The following DUSP6 variants were observed in gnomAD, a reference collection of about 807,000 sequenced individuals.
DUSP6 encodes the protein dual specificity phosphatase 6.
DUSP6 carries 6 observed loss-of-function variants against 28.0 expected under a neutral mutation model. The ratio of observed to expected loss-of-function variants is 0.21; its 90% CI spans 0.12 to 0.42. The LOEUF (loss-of-function observed/expected upper bound fraction) is 0.42, where lower values mean the gene tolerates loss of function less well. DUSP6 is among the 10% of genes least tolerant of loss of function. The pLI is 1.00. For synonymous variants in DUSP6, 252 were observed against 217.5 expected (o/e 1.16, Z -1.40); for missense variants, 451 against 498.1 (o/e 0.91, Z 0.90).
At position 89,347,362 on chromosome 12, in the gene DUSP6, CCCA is replaced by C. The variant is rs1305620093; in HGVS notation, c.*1889_*1891del. 6.6e-6 allele frequency: 1 copy of C among 151,982 alleles called. No individual in the cohort carries two copies. The highest frequency in any genetic ancestry group is 1.5e-5 in the Non-Finnish European group (1 of 68,006). 9.4% of individuals were successfully genotyped at this position (151,982 alleles called of 1,614,324 possible). A position where few individuals can be genotyped will look rare whatever the true frequency, so the allele number is the denominator to read the frequency against. Reference sequence around the variant, plus strand: ...AGCTTGAAAAGAAACTAAAATAATCCCCACAAGTTTCAATAAGGGTTTCTGACC... The same window carrying C: ...AGCTTGAAAAGAAACTAAAATAATCCCAAGTTTCAATAAGGGTTTCTGACC... On this transcript the variant is annotated 3_prime_UTR_variant, in exon 3 of 3. Transcript: ENST00000279488.
chr12:89,352,148 TCC>T lies in DUSP6; in HGVS notation c.-111_-110del. On this transcript the variant is annotated 5_prime_UTR_variant, in exon 1 of 3. Coordinates refer to ENST00000279488, the MANE Select transcript of DUSP6 (RefSeq NM_001946.4). ...TGCCGCTCTCGGAGCGGGGTTTAAT[TCC>T]GCCTCGCCTTACCCAAGCCGAGGCT... The T allele has an allele frequency of 6.7e-7, 1 of 1,492,690 alleles. No individual in the cohort carries two copies. The highest frequency in any genetic ancestry group is 9.0e-7 in the Non-Finnish European group (1 of 1,112,804). 92.5% of individuals were successfully genotyped at this position (1,492,690 alleles called of 1,614,324 possible).
Position 89,347,799 on chromosome 12 carries a change from C to T in DUSP6, c.*1455G>A, listed in dbSNP as rs1006500821. 1.6e-4 allele frequency: 25 copies of T among 152,168 alleles called. No individual in the cohort carries two copies. The highest frequency in any genetic ancestry group is 1.5e-3 in the Admixed American group (23 of 15,288). 9.4% of individuals were successfully genotyped at this position (152,168 alleles called of 1,614,324 possible). On this transcript the variant is annotated 3_prime_UTR_variant, in exon 3 of 3. Transcript: ENST00000279488. ...TATGCTCTATAGGTTCATTTTTCTT[C>T]AGGGGCTTTAAAATCTTAAGCCGGA... is the stretch of plus-strand genomic sequence containing the variant.
Position 89,351,012 on chromosome 12 carries a change from C to A in DUSP6, c.414G>T (p.Lys138Asn). ...RAFYLEGGFS[K>N]FQAEFSLHCE... ...AATGCAGGGAGAACTCGGCTTGGAA[C>A]TTACTGAAGCCACCTGCCAGAACGA... Residue 138 changes from lysine to asparagine, a missense_variant, in exon 2 of 3, where the codon AAG becomes AAT. By Grantham distance (94) the Lys-to-Asn change is moderately conservative (BLOSUM62 0). Around this residue, in one of 2 missense-constraint regions of DUSP6, gnomAD observed 347 missense variants for 346.6 expected, o/e 1.00. Transcript: ENST00000279488. The A allele has an allele frequency of 6.3e-7, 1 of 1,593,878 alleles. No homozygotes were observed. The highest frequency in any genetic ancestry group is 1.1e-5 in the South Asian group (1 of 89,676).
intron 1 of DUSP6, chr12:89,351,238 C>A (rs1879175092): frequency 3.0e-6 from 2 of 664,290 alleles, no homozygotes; most frequent in Non-Finnish European, 5.0e-6. Context: ...TCGCTTGAAT[C>A]CGGAAATAGA....
intron 1 of DUSP6, chr12:89,351,285 G>A: frequency 1.7e-6 from 1 of 595,066 alleles, no homozygotes; most frequent in Non-Finnish European, 2.9e-6. Context: ...TGAGAGCTAA[G>A]ATGTGCCAAT....
chr12:89,349,605 C>A (rs1277409416), intron 2 of DUSP6, 44 bp from the exon 3 acceptor site: 12 of 1,485,370 alleles, frequency 8.1e-6, no homozygotes, highest in Non-Finnish European at 1.1e-5. Context: ...AGACTGAAAA[C>A]CACCCTTTGT....
intron 2 of DUSP6, 76 bp downstream of exon 2, chr12:89,350,512 T>C: frequency 7.1e-7 from 1 of 1,417,436 alleles, no homozygotes; most frequent in Non-Finnish European, 9.7e-7. Context: ...GCAAGAACGA[T>C]TAACAGCTTA....
rs1351484691 is a variant in DUSP6 at position 89,351,664 on chromosome 12, C to T, written c.376G>A (p.Gly126Ser). 1 of 1,606,114 alleles carries T rather than the reference C, an allele frequency of 6.2e-7. No individual in the cohort carries two copies. Among genetic ancestry groups the T allele is most frequent in the Non-Finnish European group, 8.5e-7 (1 of 1,176,500 alleles). ...GLLLKKLKDE[G>S]CRAFYLEGGF... The stretch of plus-strand genomic sequence containing the variant: ...CCTTCCAGGTAGAACGCCCGGCAGC[C>T]CTCGTCCTTGAGCTTCTTGAGCAGC... Residue 126 changes from glycine (G) to serine (S), a missense_variant, in exon 1 of 3, where the codon GGC becomes AGC. This residue lies in a region of DUSP6 where 347 missense variants were observed against 346.6 expected (regional missense o/e 1.00). Transcript: ENST00000279488.
At chr12:89,351,502 CG>C in intron 1 of DUSP6, 137 bp downstream of exon 1, 2 of 1,378,460 alleles carry the variant, frequency 1.5e-6, no homozygotes, top group South Asian at 3.1e-5. Context: ...CCTACCTCGC[CG>C]GCTGCCGGTC....
chr12:89,352,328 C>T lies in DUSP6; in HGVS notation c.-289G>A. 1 of 461,744 alleles carries T rather than the reference C, an allele frequency of 2.2e-6. No individual in the cohort carries two copies. The highest frequency in any genetic ancestry group is 3.8e-5 in the East Asian group (1 of 26,508). 28.6% of individuals were successfully genotyped at this position (461,744 alleles called of 1,614,324 possible). On this transcript the variant is annotated 5_prime_UTR_variant, in exon 1 of 3. Coordinates refer to ENST00000279488, the MANE Select transcript of DUSP6 (RefSeq NM_001946.4). ...GTGAATGAAATCCAATTAATTCGGA[C>T]TCCGTGCTACTGAGAGGGGAGGAAA...
chr12:89,349,247 G>T lies in DUSP6; in HGVS notation c.*7C>A, dbSNP rs377455638. ...ACACATTCCAGCAAGGAGGGGTGTG[G>T]GGTCTTTCACGTAGATTGCAGAGAG... is the stretch of plus-strand genomic sequence containing the variant. On this transcript the variant is annotated 3_prime_UTR_variant, in exon 3 of 3. Coordinates refer to ENST00000279488, the MANE Select transcript of DUSP6 (RefSeq NM_001946.4). 6.2e-6 allele frequency: 10 copies of T among 1,602,416 alleles called. No individual in the cohort carries two copies. The South Asian group carries it at 1.1e-4, about 18-fold the overall frequency.
At position 89,347,327 on chromosome 12, in the gene DUSP6, TAA is replaced by T. The variant is rs1478922941; in HGVS notation, c.*1925_*1926del. On this transcript the variant is annotated 3_prime_UTR_variant, in exon 3 of 3. Transcript: ENST00000279488. ...AGGTCCCAAGAAAAATGGCAAGATA[TAA>T]AGTCTTTAGCTTGAAAAGAAACTAA... The T allele has an allele frequency of 6.6e-6, 1 of 152,176 alleles. No homozygotes were observed. The highest frequency in any genetic ancestry group is 1.5e-5 in the Non-Finnish European group (1 of 68,028). 9.4% of individuals were successfully genotyped at this position (152,176 alleles called of 1,614,324 possible).
At position 89,351,995 on chromosome 12, in the gene DUSP6, C is replaced by G. The variant is rs1262046333; in HGVS notation, c.45G>C (p.Ala15=). 3.1e-6 allele frequency: 5 copies of G among 1,613,026 alleles called. No individual in the cohort carries two copies. The highest frequency in any genetic ancestry group is 2.2e-5 in the South Asian group (2 of 91,074). ...LRPVPFASEM[A]ISKTVAWLNE... ...TGAGCCACGCCACCGTCTTGCTGATCGCCATTTCCGACGCGAAGGGCACGG... is the reference window on the plus strand; with the variant it reads ...TGAGCCACGCCACCGTCTTGCTGATGGCCATTTCCGACGCGAAGGGCACGG... Residue 15 remains alanine (A), a synonymous_variant, in exon 1 of 3, where the codon GCG becomes GCC. Transcript: ENST00000279488.
chr12:89,351,357 C>T, intron 1 of DUSP6: 1 of 588,768 alleles, frequency 1.7e-6, no homozygotes, highest in South Asian at 2.3e-5. Flanking sequence ...CGATAGAAAA[C>T]AGGGTGATGG....
intron 1 of DUSP6, 55 bp downstream of exon 1, chr12:89,351,585 C>T: frequency 6.6e-7 from 1 of 1,508,076 alleles, no homozygotes; most frequent in South Asian, 1.3e-5. Context: ...CGCGCCCCGC[C>T]CGCAGCCCTG....
chr12:89,349,650 A>C, intron 2 of DUSP6, 89 bp from the exon 3 acceptor site: 2 of 921,206 alleles, frequency 2.2e-6, no homozygotes, highest in Non-Finnish European at 3.3e-6. Context: ...TTGAAAACAT[A>C]ATAATAATAA....
At position 89,349,579 on chromosome 12, in the gene DUSP6, AAAGC is replaced by A. The variant is rs1422023840; in HGVS notation, c.839-22_839-19del. On this transcript the variant is annotated intron_variant, in intron 2 of 2. Transcript: ENST00000279488. ...GGCTTCATCTGTGAACACAAAAAGA[AAAGC>A]AAGATCTCAGCAGACTGAAAACCAC... The A allele has an allele frequency of 3.1e-6, 5 of 1,589,954 alleles. No homozygotes were observed. The highest frequency in any genetic ancestry group is 2.2e-5 in the South Asian group (2 of 88,904).
chr12:89,349,095 G>GT lies in DUSP6; in HGVS notation c.*158dup. 1 of 712,802 alleles carries GT rather than the reference G, an allele frequency of 1.4e-6. No individual in the cohort carries two copies. The highest frequency in any genetic ancestry group is 4.0e-4 in the Middle Eastern group (1 of 2,472). 44.2% of individuals were successfully genotyped at this position (712,802 alleles called of 1,614,324 possible). ...GAGAATGGAGCAAATCTCTCTGTTA[G>GT]TATTAACCAATTCCGCACTTGGTAA... On this transcript the variant is annotated 3_prime_UTR_variant, in exon 3 of 3. Coordinates refer to ENST00000279488, the MANE Select transcript of DUSP6 (RefSeq NM_001946.4).
At position 89,351,015 on chromosome 12, in the gene DUSP6, A is replaced by G. The variant is rs772530383; in HGVS notation, c.411T>C (p.Ser137=). Residue 137 remains serine (S), a synonymous_variant, in exon 2 of 3, where the codon AGT becomes AGC. Coordinates refer to ENST00000279488, the MANE Select transcript of DUSP6 (RefSeq NM_001946.4). The part of the protein sequence containing the change: ...CRAFYLEGGF[S]KFQAEFSLHC... The stretch of plus-strand genomic sequence containing the variant: ...GCAGGGAGAACTCGGCTTGGAACTT[A>G]CTGAAGCCACCTGCCAGAACGAGAA... The G allele has an allele frequency of 6.3e-7, 1 of 1,591,084 alleles. No individual in the cohort carries two copies. Among genetic ancestry groups the G allele is most frequent in the Non-Finnish European group, 8.5e-7 (1 of 1,171,540 alleles).
Sources: allele counts gnomAD v4.1 joint callset, GRCh38; gene constraint gnomAD v4.1.1; regional missense constraint gnomAD v4.1.1; transcripts MANE v1.5; gene names NCBI Gene and HGNC (gene_info 2026-07-23, HGNC 2026-07-21).